The following ZMYM2 variants were observed in gnomAD, a reference collection of about 807,000 sequenced individuals.
ZMYM2 encodes zinc finger MYM-type protein 2.
ZMYM2 carries 56 observed loss-of-function variants against 162.8 expected under a neutral mutation model. That is an observed-to-expected ratio of 0.34 (90% CI 0.28 to 0.43). The LOEUF is 0.43. ZMYM2 is among the 20% of genes least tolerant of loss of function. The pLI is 1.00. For synonymous variants in ZMYM2, 510 were observed against 541.6 expected (o/e 0.94, Z 0.81); for missense variants, 1,275 against 1,621.8 (o/e 0.79, Z 3.67).
intron 3 of ZMYM2, among the ~76,000 whole-genome samples, chr13:20,002,224 T>C (rs1950446974): frequency 6.6e-6 from 1 of 152,260 alleles, no homozygotes; most frequent in African/African-American, 2.4e-5. Flanking sequence ...AGGATTTTAT[T>C]ATTATTTAAT....
the ZMYM2 span, among the ~76,000 whole-genome samples, chr13:19,907,363 A>G: frequency 6.6e-6 from 1 of 152,166 alleles, no homozygotes; most frequent in East Asian, 1.9e-4. Context: ...GTTATAACAA[A>G]TGTGCTGCTT....
At chr13:20,059,655 G>T in intron 16 of ZMYM2, 93 bp downstream of exon 16, 1 of 699,244 alleles carries the variant, frequency 1.4e-6, no homozygotes, top group South Asian at 1.6e-5. Flanking sequence ...ACAAGAGTTT[G>T]AACTCCATGC....
chr13:19,905,868 T>G, the ZMYM2 span, among the ~76,000 whole-genome samples: 1 of 152,180 alleles, frequency 6.6e-6, no homozygotes, highest in African/African-American at 2.4e-5. Context: ...GGGCTGGGCA[T>G]GGCGGCTCAT....
chr13:19,907,449 A>T, the ZMYM2 span, among the ~76,000 whole-genome samples: 2 of 152,130 alleles, frequency 1.3e-5, no homozygotes, highest in African/African-American at 4.8e-5. Context: ...CTTTCCACTC[A>T]AATTTACTGT....
intron 24 of ZMYM2, 121 bp downstream of exon 24, chr13:20,083,897 T>TA: frequency 1.0e-6 from 1 of 974,768 alleles, no homozygotes; most frequent in Non-Finnish European, 1.5e-6. Context: ...CTCTCTCAGT[T>TA]ATACCCAAGT....
the ZMYM2 span, among the ~76,000 whole-genome samples, chr13:19,899,131 T>G: frequency 1.3e-5 from 2 of 151,846 alleles, no homozygotes; most frequent in African/African-American, 2.4e-5. Context: ...TTTTGTATTT[T>G]TAGTAGAGAC....
At chr13:20,013,594 A>G (rs1594358322) in intron 6 of ZMYM2, among the ~76,000 whole-genome samples, 1 of 152,158 alleles carries the variant, frequency 6.6e-6, no homozygotes, top group African/African-American at 2.4e-5. Flanking sequence ...AGTATGTTGA[A>G]GTAGTTTCTT....
At chr13:20,044,958 G>A (rs1954620326) in intron 12 of ZMYM2, among the ~76,000 whole-genome samples, 1 of 146,194 alleles carries the variant, frequency 6.8e-6, no homozygotes, top group African/African-American at 2.6e-5. Flanking sequence ...GCTGAGGCAG[G>A]AAAATCACTT....
chr13:19,986,188 C>T (rs1162129473), intron 2 of ZMYM2, among the ~76,000 whole-genome samples: 1 of 147,384 alleles, frequency 6.8e-6, no homozygotes, highest in Non-Finnish European at 1.5e-5. Flanking sequence ...TAGAGCCAGA[C>T]TCTCTCAAAA....
At chr13:19,896,623 G>A in the ZMYM2 span, among the ~76,000 whole-genome samples, 1 of 151,052 alleles carries the variant, frequency 6.6e-6, no homozygotes, top group Admixed American at 6.6e-5. Context: ...TGGGCGTGGT[G>A]GAGGGCGCCT....
At chr13:19,894,766 T>C in the ZMYM2 span, among the ~76,000 whole-genome samples, 1 of 151,964 alleles carries the variant, frequency 6.6e-6, no homozygotes, top group Admixed American at 6.6e-5. Flanking sequence ...CATGATAAAG[T>C]TGACAAATTA....
chr13:19,997,656 T>G (rs930961300), intron 3 of ZMYM2, among the ~76,000 whole-genome samples: 3 of 152,192 alleles, frequency 2.0e-5, no homozygotes, highest in Non-Finnish European at 4.4e-5. Context: ...CCTTGCCGCT[T>G]AAATGTGCTC....
At chr13:19,923,036 A>G in the ZMYM2 span, among the ~76,000 whole-genome samples, 1 of 149,440 alleles carries the variant, frequency 6.7e-6, no homozygotes, top group African/African-American at 2.5e-5. Flanking sequence ...AAAAAAAAAA[A>G]AAAGAAACAA....
At chr13:19,950,663 C>T in the ZMYM2 span, among the ~76,000 whole-genome samples, 3 of 152,206 alleles carry the variant, frequency 2.0e-5, no homozygotes, top group Admixed American at 1.3e-4. Flanking sequence ...CTTCTGGTTC[C>T]GGGTCCTGCC....
intron 12 of ZMYM2, among the ~76,000 whole-genome samples, chr13:20,041,405 A>C (rs1366997810): frequency 6.6e-6 from 1 of 152,122 alleles, no homozygotes; most frequent in Admixed American, 6.5e-5. Context: ...TTTGCTTGGT[A>C]GATTTTTCTC....
intron 2 of ZMYM2, among the ~76,000 whole-genome samples, chr13:19,971,607 A>G (rs761259350): frequency 1.3e-5 from 2 of 151,968 alleles, no homozygotes; most frequent in Non-Finnish European, 2.9e-5. Flanking sequence ...ATTCTGGGGA[A>G]TATAGTAAGT....
At chr13:19,875,774 GTA>G in the ZMYM2 span, among the ~76,000 whole-genome samples, 1 of 151,896 alleles carries the variant, frequency 6.6e-6, no homozygotes, top group East Asian at 1.9e-4. Context: ...TAAACATTGA[GTA>G]CACATGGATA....
intron 6 of ZMYM2, among the ~76,000 whole-genome samples, chr13:20,019,300 T>G (rs1264332163): frequency 1.3e-5 from 2 of 152,166 alleles, no homozygotes; most frequent in Non-Finnish European, 2.9e-5. Context: ...TATCTATCTT[T>G]AATTCCTTAG....
intron 2 of ZMYM2, among the ~76,000 whole-genome samples, chr13:19,974,603 C>T (rs1040656816): frequency 1.1e-4 from 16 of 151,816 alleles, no homozygotes; most frequent in African/African-American, 3.9e-4. Context: ...TCCTGAGTAG[C>T]TAGGATTACA....
Sources: gnomAD v4.1 joint callset for allele counts (sites outside exome capture counted in the v4.1 genomes callset) on GRCh38, gnomAD v4.1.1 for gene constraint, MANE v1.5 for transcripts, NCBI Gene and HGNC (gene_info 2026-07-23, HGNC 2026-07-21) for gene names.